MAP3K13: variants seen among roughly 807,000 people sequenced by gnomAD.
MAP3K13 encodes the protein mitogen-activated protein kinase kinase kinase 13.
MAP3K13 carries 52 observed loss-of-function variants against 104.0 expected under a neutral mutation model. The ratio of observed to expected loss-of-function variants is 0.50; its 90% CI spans 0.40 to 0.63. The LOEUF is 0.63. Among genes scored for constraint, MAP3K13 ranks in the 20% least tolerant of loss-of-function variants. MAP3K13 has a pLI of 0.00. For synonymous variants in MAP3K13, 394 were observed against 442.2 expected (o/e 0.89, Z 1.37); for missense variants, 914 against 1,218.5 (o/e 0.75, Z 3.72).
At chr3:185,386,442 A>T (rs1180045456) in intron 1 of MAP3K13, among the ~76,000 whole-genome samples, 1 of 152,172 alleles carries the variant, frequency 6.6e-6, no homozygotes, top group African/African-American at 2.4e-5. Context: ...GAGAAAAGGG[A>T]ATGCTCTGAT....
intron 2 of MAP3K13, among the ~76,000 whole-genome samples, chr3:185,332,653 T>C (rs914538744): frequency 6.6e-6 from 1 of 152,238 alleles, no homozygotes; most frequent in African/African-American, 2.4e-5. Flanking sequence ...ATTATCCTTT[T>C]GTGGCTGGCT....
At chr3:185,300,487 T>A (rs937504190) in intron 2 of MAP3K13, among the ~76,000 whole-genome samples, 1 of 144,570 alleles carries the variant, frequency 6.9e-6, no homozygotes, top group South Asian at 2.2e-4. Context: ...TTTCCTTATT[T>A]TTTTTTTCTT....
intron 7 of MAP3K13, among the ~76,000 whole-genome samples, chr3:185,457,368 A>C (rs754391939): frequency 2.0e-5 from 3 of 152,230 alleles, no homozygotes; most frequent in Non-Finnish European, 4.4e-5. Context: ...TGGGTGGCTT[A>C]GAAACAGCAG....
chr3:185,412,989 T>C (rs1713536290), intron 1 of MAP3K13, among the ~76,000 whole-genome samples: 1 of 152,234 alleles, frequency 6.6e-6, no homozygotes, highest in Admixed American at 6.5e-5. Context: ...TCTAATTTCA[T>C]TTTTTAGATT....
chr3:185,416,566 T>C (rs1027006994), intron 1 of MAP3K13, among the ~76,000 whole-genome samples: 1 of 152,080 alleles, frequency 6.6e-6, no homozygotes, highest in African/African-American at 2.4e-5. Context: ...CCTTACAATA[T>C]TGCTCTCAAT....
chr3:185,440,634 G>A (rs1715273852), intron 3 of MAP3K13, among the ~76,000 whole-genome samples: 1 of 152,102 alleles, frequency 6.6e-6, no homozygotes, highest in African/African-American at 2.4e-5. Flanking sequence ...GCATTTGACA[G>A]GCACATCAGG....
In MAP3K13 at chr3:185,315,503, A is replaced by G. The variant is rs1721643228; in HGVS notation, c.-86+29860A>G. Among the ~76,000 whole-genome samples the G allele has an allele frequency of 6.6e-6, 1 of 152,210 alleles. No individual in the cohort carries two copies. The highest frequency in any genetic ancestry group is 6.5e-5 in the Admixed American group (1 of 15,288). ...GATACTGCTGGTCCAGCGACCATTA[A>G]TTGAGAACGACTGCATTAGAAAAAT... is the stretch of plus-strand genomic sequence containing the variant. On this transcript the variant is annotated intron_variant, in intron 2 of 14. Coordinates refer to the MAP3K13 transcript ENST00000424227. This position sits in a 1 kb window ranked among gnomAD's most constrained non-coding sequence, Gnocchi z 4.3.
intron 3 of MAP3K13, among the ~76,000 whole-genome samples, chr3:185,441,928 C>G (rs1715344422): frequency 6.6e-6 from 1 of 151,912 alleles, no homozygotes; most frequent in Non-Finnish European, 1.5e-5. Flanking sequence ...GTAGTCCCAG[C>G]TACCCGGGAG....
intron 2 of MAP3K13, among the ~76,000 whole-genome samples, chr3:185,432,698 G>A (rs1268235728): frequency 6.6e-6 from 1 of 152,086 alleles, no homozygotes; most frequent in African/African-American, 2.4e-5. Flanking sequence ...CAGCCCATAT[G>A]TTTGTCAAAA....
intron 1 of MAP3K13, among the ~76,000 whole-genome samples, chr3:185,411,456 T>G (rs1713441472): frequency 6.6e-6 from 1 of 152,220 alleles, no homozygotes; most frequent in Admixed American, 6.5e-5. Flanking sequence ...CAGGTAGATT[T>G]GCTGGACATA....
At chr3:185,463,461 A>T in intron 7 of MAP3K13, 89 bp from the exon 8 acceptor site, 1 of 716,938 alleles carries the variant, frequency 1.4e-6, no homozygotes, top group Non-Finnish European at 2.5e-6. Flanking sequence ...AGAAGCATGC[A>T]GGGAAAAAAA....
chr3:185,396,691 G>A (rs1712441314), intron 1 of MAP3K13, among the ~76,000 whole-genome samples: 1 of 152,158 alleles, frequency 6.6e-6, no homozygotes, highest in Non-Finnish European at 1.5e-5. Flanking sequence ...GACATAGGCC[G>A]ATGGAGCACA....
In MAP3K13 at chr3:185,418,480, C is replaced by A. The variant is rs1389662316; in HGVS notation, c.-85-10017C>A. The A allele has an allele frequency of 1.2e-6, 2 of 1,611,536 alleles. No individual in the cohort carries two copies. The highest frequency in any genetic ancestry group is 1.7e-6 in the Non-Finnish European group (2 of 1,179,530). ...CCAGGTTTTGGTTGGTGCAAACCTT[C>A]GGCCTCCACGACACATGTTTCCAAA... is the stretch of plus-strand genomic sequence containing the variant. On this transcript the variant is annotated intron_variant, in intron 1 of 13. Coordinates refer to ENST00000265026, the MANE Select transcript of MAP3K13 (RefSeq NM_004721.5). The surrounding 1 kb of genome is among the most constrained non-coding windows in gnomAD (Gnocchi z 4.5).
intron 2 of MAP3K13, among the ~76,000 whole-genome samples, chr3:185,307,174 A>G (rs1721315546): frequency 6.6e-6 from 1 of 151,914 alleles, no homozygotes; most frequent in African/African-American, 2.4e-5. Flanking sequence ...CTTTGGATTC[A>G]TCCTAGTTGG....
intron 2 of MAP3K13, among the ~76,000 whole-genome samples, chr3:185,306,082 G>A (rs1721280539): frequency 1.3e-5 from 2 of 152,138 alleles, no homozygotes; most frequent in African/African-American, 2.4e-5. Flanking sequence ...GCCTCAAGCT[G>A]CATTCATGTT....
intron 1 of MAP3K13, among the ~76,000 whole-genome samples, chr3:185,373,065 A>G (rs1201578324): frequency 2.0e-5 from 3 of 152,138 alleles, no homozygotes; most frequent in Non-Finnish European, 4.4e-5. Context: ...TGTGTGCTGG[A>G]CTTGAAGTTT....
intron 2 of MAP3K13, among the ~76,000 whole-genome samples, chr3:185,308,482 A>G (rs1418886433): frequency 6.6e-6 from 1 of 150,548 alleles, no homozygotes; most frequent in Admixed American, 6.7e-5. Context: ...GGTTGGATAT[A>G]CTTTCTACTC....
Position 185,428,705 on chromosome 3 carries a change from C to A in MAP3K13, c.124C>A (p.Leu42Met). Residue 42 changes from leucine (L) to methionine (M), a missense_variant, in exon 2 of 14, where the codon CTG becomes ATG. By Grantham distance (15) the Leu-to-Met change is conservative. This residue lies in a region of MAP3K13 where 156 missense variants were observed against 159.8 expected (regional missense o/e 0.98). Coordinates refer to ENST00000265026, the MANE Select transcript of MAP3K13 (RefSeq NM_004721.5). ...TATGGGGAACCACCCTTCTCCCAAGCTGCTCGAGGACCAGCAGGAAAAGGG... is the reference window on the plus strand; with the variant it reads ...TATGGGGAACCACCCTTCTCCCAAGATGCTCGAGGACCAGCAGGAAAAGGG... ...TAMGNHPSPK[L>M]LEDQQEKGMV... 6.2e-7 allele frequency: 1 copy of A among 1,614,202 alleles called. No individual in the cohort carries two copies. The highest frequency in any genetic ancestry group is 8.5e-7 in the Non-Finnish European group (1 of 1,180,024).
At chr3:185,443,340 T>A (rs143565195) in intron 3 of MAP3K13, 105 bp from the exon 4 acceptor site, 98 of 749,158 alleles carry the variant, frequency 1.3e-4, no homozygotes, top group Non-Finnish European at 1.9e-4. Flanking sequence ...TACACATTTT[T>A]AAAATAATTC....
Sources: allele counts gnomAD v4.1 joint callset (sites outside exome capture counted in the v4.1 genomes callset), GRCh38; gene constraint gnomAD v4.1.1; regional missense constraint gnomAD v4.1.1; non-coding constraint Gnocchi (gnomAD v3.1); transcripts MANE v1.5; gene names NCBI Gene and HGNC (gene_info 2026-07-23, HGNC 2026-07-21).